Variants in NXPE2 observed in about 807,000 individuals in gnomAD.
The protein encoded by NXPE2 is neurexophilin and PC-esterase domain family member 2, also known as NXPE family member 2.
NXPE2 carries 34 observed loss-of-function variants against 34.4 expected under a neutral mutation model. The observed-to-expected ratio is 0.99, with a 90% CI of 0.75 to 1.31. NXPE2 has a LOEUF of 1.31. Ranked by LOEUF, NXPE2 falls within the 40% of genes most tolerant of loss-of-function variation. The probability of loss-of-function intolerance (pLI) is 0.00; values close to 1 mark genes in which losing one functional copy is unlikely to be tolerated. For missense variants in NXPE2, 649 were observed against 672.5 expected (o/e 0.97, Z 0.39); for synonymous variants, 235 against 231.3 (o/e 1.02, Z -0.15).
the NXPE2 span, among the ~76,000 whole-genome samples, chr11:114,780,506 C>T: frequency 1.3e-5 from 2 of 152,304 alleles, no homozygotes; most frequent in South Asian, 4.1e-4. Flanking sequence ...CCTTTAGTAA[C>T]TTTAATTCTG....
At chr11:114,529,069 C>G in the NXPE2 span, 4 of 373,524 alleles carry the variant, frequency 1.1e-5, no homozygotes, top group Admixed American at 1.3e-4. Context: ...TTGGTGCCTA[C>G]TCTTAGCATA....
chr11:114,496,307 C>T, the NXPE2 span, among the ~76,000 whole-genome samples: 1 of 152,150 alleles, frequency 6.6e-6, no homozygotes, highest in Non-Finnish European at 1.5e-5. Context: ...AGTTTCAATG[C>T]TATGTCCCAC....
chr11:114,521,848 C>T, the NXPE2 span: 1 of 778,886 alleles, frequency 1.3e-6, no homozygotes, highest in Non-Finnish European at 2.0e-6. Flanking sequence ...CCTTCCTCCC[C>T]AAACAGATTC....
chr11:114,626,428 C>T, the NXPE2 span, among the ~76,000 whole-genome samples: 3 of 151,876 alleles, frequency 2.0e-5, no homozygotes, highest in Non-Finnish European at 4.4e-5. Flanking sequence ...TGACACCTCA[C>T]GTGGCCGGGT....
the NXPE2 span, among the ~76,000 whole-genome samples, chr11:114,799,108 ATTTTTC>A: frequency 6.6e-6 from 1 of 152,094 alleles, no homozygotes; most frequent in Non-Finnish European, 1.5e-5. Flanking sequence ...TTTTATTTTT[ATTTTTC>A]TACCTAAGGA....
chr11:114,503,749 C>T, the NXPE2 span, among the ~76,000 whole-genome samples: 1 of 152,346 alleles, frequency 6.6e-6, no homozygotes, highest in African/African-American at 2.4e-5. Context: ...AATAATAATA[C>T]AATATCTCTG....
the NXPE2 span, among the ~76,000 whole-genome samples, chr11:114,534,715 C>G: frequency 0.16 from 23,637 of 152,000 alleles, 2,009 homozygotes; most frequent in South Asian, 0.23. Flanking sequence ...TGAAATGAAG[C>G]ATGAAGAGAA....
the NXPE2 span, among the ~76,000 whole-genome samples, chr11:114,520,396 T>G: frequency 6.6e-6 from 1 of 152,234 alleles, no homozygotes. Flanking sequence ...GTTATTTTAC[T>G]TAGCGTAACG....
chr11:114,802,586 C>T, the NXPE2 span, among the ~76,000 whole-genome samples: 3 of 152,166 alleles, frequency 2.0e-5, no homozygotes, highest in African/African-American at 7.2e-5. Flanking sequence ...CTTGCAGTTG[C>T]TGATGGAATC....
At chr11:114,558,401 A>C in the NXPE2 span, among the ~76,000 whole-genome samples, 1 of 152,128 alleles carries the variant, frequency 6.6e-6, no homozygotes, top group East Asian at 1.9e-4. Flanking sequence ...TTGTTTTCAT[A>C]GTTAGTTTCA....
chr11:114,612,662 T>G, the NXPE2 span, among the ~76,000 whole-genome samples: 1 of 151,610 alleles, frequency 6.6e-6, no homozygotes, highest in African/African-American at 2.4e-5. Flanking sequence ...GGTTACCCAG[T>G]GGATAATACG....
At chr11:114,632,628 A>G in the NXPE2 span, among the ~76,000 whole-genome samples, 82 of 100,708 alleles carry the variant, frequency 8.1e-4, no homozygotes, top group African/African-American at 3.2e-3. Flanking sequence ...ATATTTATAT[A>G]TAATAAATGT....
the NXPE2 span, among the ~76,000 whole-genome samples, chr11:114,771,256 C>A: frequency 6.6e-6 from 1 of 151,430 alleles, no homozygotes; most frequent in African/African-American, 2.4e-5. Flanking sequence ...AACTTTCCCT[C>A]AGGGCTCTTG....
chr11:114,573,672 C>T, the NXPE2 span, among the ~76,000 whole-genome samples: 1 of 151,936 alleles, frequency 6.6e-6, no homozygotes, highest in South Asian at 2.1e-4. Flanking sequence ...TACCACAATT[C>T]TAAATATATA....
chr11:114,679,158 G>C (rs746286114), intron 1 of NXPE2, among the ~76,000 whole-genome samples: 4 of 151,702 alleles, frequency 2.6e-5, no homozygotes, highest in Non-Finnish European at 4.4e-5. Context: ...GTGGCAACAA[G>C]CTGCCTAAAA....
At chr11:114,603,526 TCTC>T in the NXPE2 span, among the ~76,000 whole-genome samples, 1 of 150,854 alleles carries the variant, frequency 6.6e-6, no homozygotes, top group Non-Finnish European at 1.5e-5. Context: ...TATTGCCTCG[TCTC>T]CCAGGTAACT....
the NXPE2 span, among the ~76,000 whole-genome samples, chr11:114,568,773 A>T: frequency 1.3e-5 from 2 of 151,874 alleles, no homozygotes; most frequent in Admixed American, 6.6e-5. Flanking sequence ...CACCTCCATC[A>T]CCACCATGCC....
At chr11:114,806,554 A>G in the NXPE2 span, among the ~76,000 whole-genome samples, 1 of 152,380 alleles carries the variant, frequency 6.6e-6, no homozygotes, top group African/African-American at 2.4e-5. Context: ...CGAATGCAGA[A>G]GCCTCAGTAG....
chr11:114,706,252 C>T (rs1049812519), intron 5 of NXPE2, 143 bp from the exon 6 acceptor site: 1 of 619,554 alleles, frequency 1.6e-6, no homozygotes, highest in Admixed American at 3.5e-5. Flanking sequence ...GATTGTAATG[C>T]ACCTGGTAAA....
Sources: allele counts gnomAD v4.1 joint callset (sites outside exome capture counted in the v4.1 genomes callset), GRCh38; gene constraint gnomAD v4.1.1; transcripts MANE v1.5; gene names NCBI Gene and HGNC (gene_info 2026-07-23, HGNC 2026-07-21).